Variants in BICD1 observed in about 807,000 individuals in gnomAD.
BICD1 encodes BICD cargo adaptor 1, also known as protein bicaudal D homolog 1.
In BICD1, 35 loss-of-function variants were observed where a neutral mutation model predicts 92.5. The ratio of observed to expected loss-of-function variants is 0.38; its 90% confidence interval spans 0.29 to 0.50. The LOEUF is 0.50. Among genes scored for constraint, BICD1 ranks in the 20% least tolerant of loss-of-function variants. The pLI, the probability that BICD1 is intolerant of heterozygous loss-of-function variation, is 0.93. For synonymous variants in BICD1, 429 were observed against 465.1 expected (o/e 0.92, Z 1.00); for missense variants, 950 against 1,189.8 (o/e 0.80, Z 2.97).
intron 4 of BICD1, among the ~76,000 whole-genome samples, chr12:32,323,502 T>A (rs1474218949): frequency 1.3e-5 from 2 of 152,204 alleles, no homozygotes; most frequent in African/African-American, 4.8e-5. Flanking sequence ...AAGTAAATGT[T>A]GGTCCCGAGA....
At chr12:32,221,281 T>C (rs988777280) in intron 2 of BICD1, among the ~76,000 whole-genome samples, 4 of 149,698 alleles carry the variant, frequency 2.7e-5, no homozygotes, top group Non-Finnish European at 5.9e-5. Flanking sequence ...TAAAAAAAAA[T>C]GTAAAATGCT....
At position 32,383,397 on chromosome 12, in the gene BICD1, CT is replaced by C. The variant is rs1232142517; in HGVS notation, c.*5777del. 1.3e-5 allele frequency: 2 copies of C among 152,184 alleles called. No homozygotes were observed. Among genetic ancestry groups the C allele is most frequent in the East Asian group, 1.9e-4 (1 of 5,190 alleles). The allele number at this position is 152,184 out of a possible 1,614,324, so 9.4% of individuals were successfully genotyped here. A position where few individuals can be genotyped will look rare whatever the true frequency, so the allele number is the denominator to read the frequency against. ...GAATTTATTATTGCTTGTACTTTAACTTTTTTTATTGTAGACAATCCTAAGT... is the reference window on the plus strand; with the variant it reads ...GAATTTATTATTGCTTGTACTTTAACTTTTTTATTGTAGACAATCCTAAGT... On this transcript the variant is annotated 3_prime_UTR_variant, in exon 10 of 10. Coordinates refer to ENST00000652176, the MANE Select transcript of BICD1 (RefSeq NM_001714.4).
At chr12:32,364,284 C>G (rs997794335) in intron 8 of BICD1, among the ~76,000 whole-genome samples, 1 of 152,120 alleles carries the variant, frequency 6.6e-6, no homozygotes, top group South Asian at 2.1e-4. Flanking sequence ...TTATTCCCCC[C>G]AAAGCAACGA....
intron 2 of BICD1, among the ~76,000 whole-genome samples, chr12:32,280,198 C>A (rs1947379138): frequency 1.3e-5 from 2 of 152,146 alleles, no homozygotes; most frequent in Non-Finnish European, 2.9e-5. Flanking sequence ...TTCTCCTCTA[C>A]CTTCTTACAA....
At chr12:32,340,233 T>C (rs1442942888) in intron 8 of BICD1, 3 of 985,354 alleles carry the variant, frequency 3.0e-6, no homozygotes, top group Non-Finnish European at 3.6e-6. Flanking sequence ...CATTTCACGT[T>C]CTAAAGGTGT....
At chr12:32,281,061 A>G (rs1282185487) in intron 2 of BICD1, among the ~76,000 whole-genome samples, 2 of 149,500 alleles carry the variant, frequency 1.3e-5, no homozygotes, top group African/African-American at 4.9e-5. Flanking sequence ...ATATTTCCCA[A>G]ACTTTTTTTT....
intron 2 of BICD1, among the ~76,000 whole-genome samples, chr12:32,226,304 T>G (rs1945688252): frequency 6.6e-6 from 1 of 152,086 alleles, no homozygotes; most frequent in Admixed American, 6.5e-5. Flanking sequence ...CTGGCTAATT[T>G]TTGTATTTTT....
At chr12:32,165,254 G>T (rs1376594149) in intron 1 of BICD1, among the ~76,000 whole-genome samples, 1 of 152,174 alleles carries the variant, frequency 6.6e-6, no homozygotes, top group Non-Finnish European at 1.5e-5. Context: ...GGTGGCTCAT[G>T]CCTGTAATCC....
Position 32,367,726 on chromosome 12 carries a change from C to A in BICD1, c.2821C>A (p.Gln941Lys), listed in dbSNP as rs898210192. Residue 941 changes from glutamine to lysine, a missense_variant, in exon 9 of 10, where the codon CAA becomes AAA. Gln to Lys is a moderately conservative substitution (Grantham distance 53, BLOSUM62 1). Around this residue, in one of 5 missense-constraint regions of BICD1, gnomAD observed 179 missense variants for 186.7 expected, o/e 0.96. Transcript: ENST00000652176. ...PPQCSQLAGR[Q>K]DCPTVSPDTA... Reference sequence around the variant, plus strand: ...ACAGTGCTCACAACTAGCCGGGAGGCAAGACTGCCCAACTGTCAGGTAAAT... The same window carrying A: ...ACAGTGCTCACAACTAGCCGGGAGGAAAGACTGCCCAACTGTCAGGTAAAT... 1 of 1,614,120 alleles carries A rather than the reference C, an allele frequency of 6.2e-7. No homozygotes were observed. Among genetic ancestry groups the A allele is most frequent in the African/African-American group, 1.3e-5 (1 of 75,070 alleles).
intron 1 of BICD1, among the ~76,000 whole-genome samples, chr12:32,129,524 CAAA>C (rs756293470): frequency 1.7e-4 from 14 of 82,656 alleles, no homozygotes; most frequent in African/African-American, 4.8e-4. Context: ...GATTCCATCT[CAAA>C]AAAAAAAAAA....
At chr12:32,221,493 C>T (rs1945530509) in intron 2 of BICD1, among the ~76,000 whole-genome samples, 1 of 151,566 alleles carries the variant, frequency 6.6e-6, no homozygotes, top group Non-Finnish European at 1.5e-5. Context: ...ATCAGCCTGG[C>T]CAAGATGGTG....
At chr12:32,135,706 G>C (rs1224193127) in intron 1 of BICD1, among the ~76,000 whole-genome samples, 1 of 152,092 alleles carries the variant, frequency 6.6e-6, no homozygotes, top group East Asian at 1.9e-4. Context: ...CTTTTAGAAA[G>C]AGCGTGAATC....
intron 4 of BICD1, among the ~76,000 whole-genome samples, chr12:32,312,220 C>T (rs912833921): frequency 2.4e-5 from 3 of 125,024 alleles, no homozygotes; most frequent in Non-Finnish European, 3.6e-5. Context: ...AAACAAAAAT[C>T]AGGTCTCCTT....
intron 1 of BICD1, among the ~76,000 whole-genome samples, chr12:32,143,852 G>C (rs953970887): frequency 6.6e-6 from 1 of 152,022 alleles, no homozygotes; most frequent in Non-Finnish European, 1.5e-5. Flanking sequence ...GGTATCCTAT[G>C]GTACTTATAA....
chr12:32,236,028 T>A (rs937156826), intron 2 of BICD1, among the ~76,000 whole-genome samples: 1 of 151,922 alleles, frequency 6.6e-6, no homozygotes, highest in African/African-American at 2.4e-5. Flanking sequence ...ATATCTGTTA[T>A]GGTGATCTGT....
At position 32,333,718 on chromosome 12, in the gene BICD1, C is replaced by G. The variant is rs149350834; in HGVS notation, c.2101-798C>G. On this transcript the variant is annotated intron_variant, in intron 5 of 9. Coordinates refer to ENST00000652176, the MANE Select transcript of BICD1 (RefSeq NM_001714.4). The stretch of plus-strand genomic sequence containing the variant: ...CAAACAGGCAATCCCTAAGTATACA[C>G]TGATTTTATGCATTGATTCAGTCAG... Among the ~76,000 whole-genome samples the G allele has an allele frequency of 1.1e-3, 169 of 152,312 alleles. 1 individual carries two copies. Among genetic ancestry groups the G allele is most frequent in the African/African-American group, 3.7e-3 (153 of 41,564 alleles).
At chr12:32,318,627 G>T (rs1477572309) in intron 4 of BICD1, among the ~76,000 whole-genome samples, 1 of 152,192 alleles carries the variant, frequency 6.6e-6, no homozygotes, top group Non-Finnish European at 1.5e-5. Context: ...GGCCTAGGCA[G>T]GTGGATCACC....
At chr12:32,365,343 T>C (rs1055782236) in intron 8 of BICD1, among the ~76,000 whole-genome samples, 3 of 152,208 alleles carry the variant, frequency 2.0e-5, no homozygotes, top group Admixed American at 1.3e-4. Flanking sequence ...CTACCACCTC[T>C]CTAGCATTTC....
intron 2 of BICD1, among the ~76,000 whole-genome samples, chr12:32,263,076 AG>A (rs1946898835): frequency 6.6e-6 from 1 of 151,992 alleles, no homozygotes; most frequent in Non-Finnish European, 1.5e-5. Context: ...CCAAGGCTGT[AG>A]TGAGCTATGA....
Sources: allele counts gnomAD v4.1 joint callset (sites outside exome capture counted in the v4.1 genomes callset), GRCh38; gene constraint gnomAD v4.1.1; regional missense constraint gnomAD v4.1.1; transcripts MANE v1.5; gene names NCBI Gene and HGNC (gene_info 2026-07-23, HGNC 2026-07-21).